The following TBCD variants were observed in gnomAD, a reference collection of about 807,000 sequenced individuals.
TBCD encodes tubulin folding cofactor D.
Under a neutral mutation model 169.3 loss-of-function variants are expected in TBCD, and 105 were observed. The ratio of observed to expected loss-of-function variants is 0.62; its 90% confidence interval spans 0.53 to 0.73. The LOEUF (loss-of-function observed/expected upper bound fraction) is 0.73. TBCD is among the 30% of genes least tolerant of loss of function. The pLI is 0.00. For missense variants in TBCD, 1,444 were observed against 1,600.1 expected, an observed-to-expected ratio of 0.90 and a Z score of 1.66; for synonymous variants, 700 against 643.9, an observed-to-expected ratio of 1.09 and a Z score of -1.32.
chr17:82,807,447 G>A (rs535381420), intron 10 of TBCD, among the ~76,000 whole-genome samples, 161 bp from the exon 11 acceptor site: 7 of 152,280 alleles, frequency 4.6e-5, no homozygotes, highest in South Asian at 2.1e-4. Flanking sequence ...ATTTGAGAAC[G>A]GAGGGAAGGA....
At chr17:82,858,906 C>T (rs1273288294) in intron 13 of TBCD, among the ~76,000 whole-genome samples, 1 of 152,174 alleles carries the variant, frequency 6.6e-6, no homozygotes, top group Non-Finnish European at 1.5e-5. Context: ...CTGTCAGTGG[C>T]GCTTCCTGCG....
At chr17:82,932,958 AG>A (rs962471120) in intron 34 of TBCD, 9 of 557,868 alleles carry the variant, frequency 1.6e-5, no homozygotes, top group Non-Finnish European at 2.6e-5. Context: ...AAGTGCAGTC[AG>A]CCCCATCTGG....
rs9892064 is a variant in TBCD, at chr17:82,870,027, C to T, written c.1319-197C>T. The stretch of plus-strand genomic sequence containing the variant: ...ATCTGAGTTGGTGAGCATGCATCTT[C>T]CTTTCGTAGGTTTGTTTTCTGACCA... On this transcript the variant is annotated intron_variant, in intron 13 of 38. Transcript: ENST00000355528. Among the ~76,000 whole-genome samples the T allele has an allele frequency of 0.56, 85,806 of 152,034 alleles. 24,485 individuals are homozygous for T. Among genetic ancestry groups the T allele is most frequent in the East Asian group, 0.71 (3,668 of 5,168 alleles).
At position 82,929,497 on chromosome 17, in the gene TBCD, G is replaced by A. The variant is rs778052098; in HGVS notation, c.2988G>A (p.Ser996=). The change falls in exon 32 of 39, where the codon TCG becomes TCA. Residue 996 remains serine, a synonymous_variant. Transcript: ENST00000355528. ...LVVSLGGLTE[S]TIRHSTQSLF... The stretch of plus-strand genomic sequence containing the variant: ...TGTCCCTGGGCGGCTTGACGGAGTC[G>A]ACGGTGAGGAGGCGTCGGGCTGGCT... The A allele has an allele frequency of 7.5e-6, 12 of 1,605,422 alleles. No individual in the cohort carries two copies. The highest frequency in any genetic ancestry group is 6.7e-5 in the African/African-American group (5 of 74,932).
intron 34 of TBCD, among the ~76,000 whole-genome samples, chr17:82,933,273 C>CT (rs10639851): frequency 0.14 from 15,725 of 114,312 alleles, 1,494 homozygotes; most frequent in South Asian, 0.25. Flanking sequence ...TTGGGCCAGT[C>CT]TTTTTTTTTT....
chr17:82,770,961 T>C (rs1272191355), intron 5 of TBCD, among the ~76,000 whole-genome samples: 1 of 149,904 alleles, frequency 6.7e-6, no homozygotes, highest in Non-Finnish European at 1.5e-5. Flanking sequence ...AGGCAGAGAA[T>C]TGCTTGAACC....
At chr17:82,828,690 GCA>G (rs1308669426) in intron 13 of TBCD, among the ~76,000 whole-genome samples, 3 of 149,870 alleles carry the variant, frequency 2.0e-5, no homozygotes, top group African/African-American at 4.9e-5. Context: ...AATCGAGTGT[GCA>G]CACACCCATA....
chr17:82,870,735 C>T (rs776214885), intron 14 of TBCD, among the ~76,000 whole-genome samples: 34 of 152,226 alleles, frequency 2.2e-4, no homozygotes, highest in Non-Finnish European at 4.0e-4. Flanking sequence ...CGCTGGGTGG[C>T]GTGGGAGGAA....
chr17:82,935,330 T>G (rs1225627061), intron 34 of TBCD, among the ~76,000 whole-genome samples: 4 of 152,198 alleles, frequency 2.6e-5, no homozygotes, highest in Non-Finnish European at 5.9e-5. Flanking sequence ...ACATGTATGT[T>G]TTTGTACGCC....
intron 1 of TBCD, among the ~76,000 whole-genome samples, chr17:82,753,122 A>C (rs1041020345): frequency 2.6e-5 from 4 of 152,150 alleles, no homozygotes; most frequent in Admixed American, 1.3e-4. Flanking sequence ...AATTCAGTAA[A>C]ATCATCTTTG....
intron 13 of TBCD, among the ~76,000 whole-genome samples, chr17:82,842,552 G>A (rs1217313710): frequency 6.6e-6 from 1 of 152,090 alleles, no homozygotes; most frequent in Non-Finnish European, 1.5e-5. Context: ...CCTGCTGCTC[G>A]GATCCCATGT....
chr17:82,841,685 A>C (rs948703738), intron 13 of TBCD, among the ~76,000 whole-genome samples: 3 of 152,346 alleles, frequency 2.0e-5, no homozygotes, highest in African/African-American at 7.2e-5. Context: ...TTAGTGGCTT[A>C]AAACAAGCAC....
intron 14 of TBCD, among the ~76,000 whole-genome samples, chr17:82,871,189 G>T (rs2057530866): frequency 1.3e-5 from 2 of 150,602 alleles, no homozygotes; most frequent in Admixed American, 6.6e-5. Flanking sequence ...TCCTGTGCCA[G>T]GGACTTTCAG....
At chr17:82,906,174 G>A in intron 20 of TBCD, 121 bp downstream of exon 20, 1 of 763,890 alleles carries the variant, frequency 1.3e-6, no homozygotes, top group South Asian at 1.7e-5. Flanking sequence ...ATCTGCACCA[G>A]TGTCACAGTC....
rs1464107068 is a variant in TBCD at position 82,864,281 on chromosome 17, A to T, written c.1319-5943A>T. 1 of 152,270 alleles carries T rather than the reference A, an allele frequency of 6.6e-6. No individual in the cohort carries two copies. Among genetic ancestry groups the T allele is most frequent in the Non-Finnish European group, 1.5e-5 (1 of 68,048 alleles). 9.4% of individuals were successfully genotyped at this position (152,270 alleles called of 1,614,324 possible). The stretch of plus-strand genomic sequence containing the variant: ...TGAAGAAACAAATGTAGTGCAGAGA[A>T]CAGAAAGCTGCTGTGTGACCTGCGG... On this transcript the variant is annotated intron_variant, in intron 13 of 38. Coordinates refer to ENST00000355528, the MANE Select transcript of TBCD (RefSeq NM_005993.5). The surrounding 1 kb of genome is among the most constrained non-coding windows in gnomAD (Gnocchi z 6.3).
At chr17:82,841,773 C>T (rs996993381) in intron 13 of TBCD, among the ~76,000 whole-genome samples, 8 of 152,168 alleles carry the variant, frequency 5.3e-5, no homozygotes, top group Admixed American at 1.3e-4. Context: ...GTTTCATGGA[C>T]ACTGACTGAG....
At chr17:82,865,542 G>A (rs1599039116) in intron 13 of TBCD, 1 of 985,332 alleles carries the variant, frequency 1.0e-6, no homozygotes, top group Non-Finnish European at 1.2e-6. Context: ...TGCCGCGGGG[G>A]TACTCGGCTG....
chr17:82,769,532 C>T (rs1197690425), intron 5 of TBCD, among the ~76,000 whole-genome samples: 1 of 152,120 alleles, frequency 6.6e-6, no homozygotes, highest in African/African-American at 2.4e-5. Context: ...TGCCTGGCAC[C>T]GTTCAAACAC....
rs1469426457 is a variant in TBCD at position 82,922,940 on chromosome 17, G to A, written c.2179-712G>A. 6.6e-6 allele frequency among the ~76,000 whole-genome samples: 1 copy of A among 152,226 alleles called. No individual in the cohort carries two copies. The highest frequency in any genetic ancestry group is 2.4e-5 in the African/African-American group (1 of 41,458). On this transcript the variant is annotated intron_variant, in intron 25 of 38. Transcript: ENST00000355528. This position sits in a 1 kb window ranked among gnomAD's most constrained non-coding sequence, Gnocchi z 4.1. ...AGTGGCACTGAGCCCCGCACGCGGC[G>A]GGACTGGTGACTCTCTGCCCGCTCC... is the stretch of plus-strand genomic sequence containing the variant.
Sources: gnomAD v4.1 joint callset for allele counts (sites outside exome capture counted in the v4.1 genomes callset) on GRCh38, gnomAD v4.1.1 for gene constraint, Gnocchi (gnomAD v3.1) non-coding constraint, MANE v1.5 for transcripts, NCBI Gene and HGNC (gene_info 2026-07-23, HGNC 2026-07-21) for gene names.